The following HPSE2 variants were observed in gnomAD, a reference collection of about 807,000 sequenced individuals.
The protein encoded by HPSE2 is heparanase 2 (inactive).
A neutral mutation model predicts 60.5 loss-of-function variants in HPSE2; 38 were observed. The ratio of observed to expected loss-of-function variants is 0.63; its 90% CI spans 0.48 to 0.82. The LOEUF (loss-of-function observed/expected upper bound fraction) is 0.82, where lower values mean the gene tolerates loss of function less well. HPSE2 is among the 40% of genes least tolerant of loss of function. The pLI is 0.00. For synonymous variants in HPSE2, 295 were observed against 293.2 expected (o/e 1.01, Z -0.06); for missense variants, 713 against 740.4 (o/e 0.96, Z 0.43).
At chr10:98,779,488 G>A (rs1950417805) in intron 3 of HPSE2, among the ~76,000 whole-genome samples, 1 of 152,008 alleles carries the variant, frequency 6.6e-6, no homozygotes, top group African/African-American at 2.4e-5. Context: ...TTTATTCAGG[G>A]GATAGCTCAG....
At position 98,620,726 on chromosome 10, in the gene HPSE2, G is replaced by C; in HGVS notation, c.1099-18C>G. On this transcript the variant is annotated intron_variant, in intron 7 of 11. Transcript: ENST00000370552. Reference sequence around the variant, plus strand: ...TTAACCACCTGTTTACACAACAAAAGCAGAAGGGGATAACGAGGTTTTAAA... The same window carrying C: ...TTAACCACCTGTTTACACAACAAAACCAGAAGGGGATAACGAGGTTTTAAA... The C allele has an allele frequency of 6.5e-7, 1 of 1,537,500 alleles. No homozygotes were observed. Among genetic ancestry groups the C allele is most frequent in the East Asian group, 2.2e-5 (1 of 44,476 alleles).
intron 3 of HPSE2, among the ~76,000 whole-genome samples, chr10:99,132,534 T>G (rs140487836): frequency 0.011 from 1,602 of 152,100 alleles, 10 homozygotes; most frequent in Non-Finnish European, 0.018. Context: ...CATTTCCAAC[T>G]GAGGTACCTG....
At chr10:99,135,215 T>C (rs1049510117) in intron 3 of HPSE2, among the ~76,000 whole-genome samples, 2 of 112,756 alleles carry the variant, frequency 1.8e-5, no homozygotes, top group Non-Finnish European at 4.2e-5. Flanking sequence ...AGCAAGTTCT[T>C]AGAGACCTAC....
chr10:99,094,280 C>A (rs746600231), intron 3 of HPSE2, among the ~76,000 whole-genome samples: 23 of 151,712 alleles, frequency 1.5e-4, no homozygotes, highest in Non-Finnish European at 2.5e-4. Context: ...ATCTTTGGGA[C>A]TGTATTGAAA....
the HPSE2 span, among the ~76,000 whole-genome samples, chr10:99,307,499 G>A: frequency 5.9e-5 from 9 of 152,222 alleles, no homozygotes; most frequent in Middle Eastern, 3.4e-3. Flanking sequence ...ACCAAGTGGC[G>A]TGCTGAAGTC....
the HPSE2 span, among the ~76,000 whole-genome samples, chr10:99,251,284 T>A: frequency 1.1e-4 from 17 of 152,108 alleles, no homozygotes; most frequent in Admixed American, 1.1e-3. Flanking sequence ...CTCTCAAAAT[T>A]GAATCAGCAA....
intron 9 of HPSE2, among the ~76,000 whole-genome samples, chr10:98,546,200 A>G (rs1389817053): frequency 7.2e-6 from 1 of 139,308 alleles, no homozygotes. Flanking sequence ...GGTAGGAAGA[A>G]TCAATAACGT....
the HPSE2 span, among the ~76,000 whole-genome samples, chr10:99,268,726 AAAT>A: frequency 5.9e-5 from 9 of 152,134 alleles, no homozygotes; most frequent in South Asian, 2.1e-4. Flanking sequence ...TTAATTAAAT[AAAT>A]AATAAATAAA....
At chr10:99,134,298 C>A (rs1317040005) in intron 3 of HPSE2, among the ~76,000 whole-genome samples, 1 of 152,144 alleles carries the variant, frequency 6.6e-6, no homozygotes. Context: ...AAACACTCTT[C>A]GGGATATTAT....
intron 8 of HPSE2, among the ~76,000 whole-genome samples, chr10:98,615,881 G>A (rs192745014): frequency 2.0e-5 from 3 of 152,206 alleles, no homozygotes; most frequent in Non-Finnish European, 2.9e-5. Context: ...TGAAAGATAA[G>A]GCATTTCACA....
chr10:99,185,751 G>A (rs1199739016), intron 2 of HPSE2, among the ~76,000 whole-genome samples: 1 of 151,868 alleles, frequency 6.6e-6, no homozygotes, highest in Non-Finnish European at 1.5e-5. Context: ...TCCAGCCTGG[G>A]CGACAGAGTG....
the HPSE2 span, among the ~76,000 whole-genome samples, chr10:99,279,631 T>G: frequency 6.6e-6 from 1 of 152,254 alleles, no homozygotes; most frequent in Non-Finnish European, 1.5e-5. Flanking sequence ...TAAGTAAATA[T>G]GAATGCCTAG....
intron 3 of HPSE2, among the ~76,000 whole-genome samples, chr10:99,016,171 G>T (rs1957137032): frequency 6.6e-6 from 1 of 152,146 alleles, no homozygotes; most frequent in Admixed American, 6.5e-5. Context: ...AAAGTTTTGA[G>T]TGTTGCATTT....
chr10:99,253,463 C>T, the HPSE2 span, among the ~76,000 whole-genome samples: 1 of 152,152 alleles, frequency 6.6e-6, no homozygotes, highest in South Asian at 2.1e-4. Context: ...TGGACCCCTA[C>T]CTTTCACCAT....
In HPSE2 at chr10:98,831,777, G is replaced by A. The variant is rs537267627; in HGVS notation, c.611-87721C>T. On this transcript the variant is annotated intron_variant, in intron 3 of 11. Coordinates refer to ENST00000370552, the MANE Select transcript of HPSE2 (RefSeq NM_021828.5). ...TCTACTTTTTAATAAGCAGCCTCAG[G>A]TGATTCTGATGCAGGTGATAGAAAA... Among the ~76,000 whole-genome samples, 3 of 152,294 alleles carry A rather than the reference G, an allele frequency of 2.0e-5. No individual in the cohort carries two copies. In the South Asian group the frequency reaches 6.2e-4, roughly 32 times the overall value.
intron 5 of HPSE2, among the ~76,000 whole-genome samples, chr10:98,714,826 A>T (rs568174914): frequency 6.6e-6 from 1 of 151,894 alleles, no homozygotes; most frequent in African/African-American, 2.4e-5. Context: ...ATTTTTCTAC[A>T]TCCTCTCCAG....
intron 3 of HPSE2, among the ~76,000 whole-genome samples, chr10:99,022,494 G>A (rs1279566947): frequency 6.6e-6 from 1 of 152,108 alleles, no homozygotes; most frequent in African/African-American, 2.4e-5. Flanking sequence ...GGGGGCATGT[G>A]ACATACTGAG....
chr10:98,756,055 A>G (rs1375650441), intron 3 of HPSE2, among the ~76,000 whole-genome samples: 2 of 152,320 alleles, frequency 1.3e-5, no homozygotes, highest in Non-Finnish European at 2.9e-5. Context: ...TGGAAATTAA[A>G]CAACCTGTTC....
At chr10:98,575,540 A>G (rs1302941038) in intron 9 of HPSE2, among the ~76,000 whole-genome samples, 1 of 152,248 alleles carries the variant, frequency 6.6e-6, no homozygotes, top group Non-Finnish European at 1.5e-5. Context: ...ACTATGTGCC[A>G]AGCACTATGC....
Sources: allele counts gnomAD v4.1 joint callset (sites outside exome capture counted in the v4.1 genomes callset), GRCh38; gene constraint gnomAD v4.1.1; transcripts MANE v1.5; gene names NCBI Gene and HGNC (gene_info 2026-07-23, HGNC 2026-07-21).